SVIL: variants seen among roughly 807,000 people sequenced by gnomAD.
The protein encoded by SVIL is supervillin, also known as archvillin.
Under a neutral mutation model 240.4 loss-of-function variants are expected in SVIL, and 101 were observed. The ratio of observed to expected loss-of-function variants is 0.42; its 90% CI spans 0.36 to 0.50. The LOEUF (loss-of-function observed/expected upper bound fraction) is 0.50, where lower values mean the gene tolerates loss of function less well. Among genes scored for constraint, SVIL ranks in the 20% least tolerant of loss-of-function variants. The probability of loss-of-function intolerance (pLI) is 0.01; values close to 1 mark genes in which losing one functional copy is unlikely to be tolerated. For synonymous variants in SVIL, 999 were observed against 1,100.0 expected (o/e 0.91, Z 1.82); for missense variants, 2,512 against 2,818.7 (o/e 0.89, Z 2.46).
At chr10:29,632,632 A>T (rs758041613) in intron 1 of SVIL, among the ~76,000 whole-genome samples, 2 of 152,230 alleles carry the variant, frequency 1.3e-5, no homozygotes, top group Non-Finnish European at 2.9e-5. Flanking sequence ...AGAAGCAAAG[A>T]TAAAGAACTG....
chr10:29,696,951 G>T (rs1044542813), intron 1 of SVIL, among the ~76,000 whole-genome samples: 1 of 145,844 alleles, frequency 6.9e-6, no homozygotes, highest in African/African-American at 2.5e-5. Context: ...CAGACGCCCC[G>T]TCCGGGAGGG....
At chr10:29,632,045 C>T (rs981444357) in intron 1 of SVIL, among the ~76,000 whole-genome samples, 5 of 152,190 alleles carry the variant, frequency 3.3e-5, no homozygotes, top group Admixed American at 1.3e-4. Context: ...TCCAAGGCTG[C>T]CTTTGTACCC....
chr10:29,676,042 CT>C (rs1322815770), intron 2 of SVIL, among the ~76,000 whole-genome samples: 1 of 152,252 alleles, frequency 6.6e-6, no homozygotes, highest in African/African-American at 2.4e-5. Flanking sequence ...ATGATAACTA[CT>C]GACCCCCTGC....
intron 3 of SVIL, among the ~76,000 whole-genome samples, chr10:29,556,583 A>T (rs1171149472): frequency 1.3e-5 from 2 of 152,148 alleles, no homozygotes; most frequent in Non-Finnish European, 2.9e-5. Flanking sequence ...AGCCGGCTTC[A>T]AAAAAACAAA....
chr10:29,513,585 C>T (rs1322881074), intron 16 of SVIL, among the ~76,000 whole-genome samples: 1 of 152,126 alleles, frequency 6.6e-6, no homozygotes, highest in Admixed American at 6.5e-5. Flanking sequence ...CACTTACAGT[C>T]TCTTAATATC....
intron 6 of SVIL, among the ~76,000 whole-genome samples, chr10:29,549,803 A>T (rs2132641115): frequency 7.3e-6 from 1 of 137,028 alleles, no homozygotes; most frequent in South Asian, 2.4e-4. Flanking sequence ...ATTCTCACTC[A>T]TAGGTGGGAA....
intron 18 of SVIL, chr10:29,496,431 G>A: frequency 2.2e-6 from 1 of 455,452 alleles, no homozygotes; most frequent in South Asian, 1.6e-5. Context: ...CATCAGAGGA[G>A]TTCATTAGCA....
At chr10:29,470,567 G>T in intron 31 of SVIL, 84 bp from the exon 32 acceptor site, 1 of 1,498,384 alleles carries the variant, frequency 6.7e-7, no homozygotes, top group Non-Finnish European at 9.1e-7. Flanking sequence ...CCGCTGTGTC[G>T]TCCAAGGCAG....
chr10:29,504,216 T>G (rs967213806), intron 17 of SVIL, among the ~76,000 whole-genome samples: 1 of 152,190 alleles, frequency 6.6e-6, no homozygotes. Context: ...AAAGCCTAAC[T>G]GTAAAAATTA....
At chr10:29,577,774 CCAA>C (rs1354087105) in intron 1 of SVIL, among the ~76,000 whole-genome samples, 1 of 152,024 alleles carries the variant, frequency 6.6e-6, no homozygotes, top group Non-Finnish European at 1.5e-5. Context: ...TTTCTTTACA[CCAA>C]CAACAAACTA....
chr10:29,689,255 G>C (rs1490452257), intron 1 of SVIL, among the ~76,000 whole-genome samples: 1 of 151,940 alleles, frequency 6.6e-6, no homozygotes, highest in African/African-American at 2.4e-5. Flanking sequence ...GCTAGAACTG[G>C]TATCTCCCCG....
In SVIL at chr10:29,496,254, G is replaced by T. The variant is rs556534735; in HGVS notation, c.3665-1073C>A. 133 of 357,496 alleles carry T rather than the reference G, an allele frequency of 3.7e-4. 1 individual carries two copies. Among genetic ancestry groups the T allele is most frequent in the African/African-American group, 2.7e-3 (126 of 46,996 alleles). 22.1% of individuals were successfully genotyped at this position (357,496 alleles called of 1,614,324 possible). A position where few individuals can be genotyped will look rare whatever the true frequency, so the allele number is the denominator to read the frequency against. On this transcript the variant is annotated intron_variant, in intron 18 of 37. Coordinates refer to ENST00000355867, the MANE Select transcript of SVIL (RefSeq NM_021738.3). The stretch of plus-strand genomic sequence containing the variant: ...TACGTCTCATTATATACATATATTT[G>T]ATTGATGGTGTCAATAAAAGTTTTA...
intron 22 of SVIL, among the ~76,000 whole-genome samples, chr10:29,489,443 T>A (rs1303562753): frequency 6.6e-6 from 1 of 152,242 alleles, no homozygotes; most frequent in African/African-American, 2.4e-5. Flanking sequence ...TTTAAAAATG[T>A]ATATGCTAGA....
intron 1 of SVIL, among the ~76,000 whole-genome samples, chr10:29,606,696 G>A (rs182115204): frequency 9.2e-5 from 14 of 152,046 alleles, no homozygotes; most frequent in East Asian, 1.9e-4. Context: ...GTATTTTTAC[G>A]GTTGGTTTTT....
At chr10:29,674,124 A>G (rs1444920513) in intron 2 of SVIL, among the ~76,000 whole-genome samples, 1 of 152,112 alleles carries the variant, frequency 6.6e-6, no homozygotes, top group Non-Finnish European at 1.5e-5. Flanking sequence ...TGAGCCCAGG[A>G]GTTTGAGACC....
chr10:29,583,472 G>A (rs1178002811), intron 1 of SVIL, among the ~76,000 whole-genome samples: 10 of 152,076 alleles, frequency 6.6e-5, no homozygotes, highest in Non-Finnish European at 1.3e-4. Context: ...GCTAACTTTT[G>A]TATTTGTTGT....
intron 17 of SVIL, 25 bp downstream of exon 17, chr10:29,512,710 C>T: frequency 6.2e-7 from 1 of 1,614,120 alleles, no homozygotes; most frequent in Non-Finnish European, 8.5e-7. Context: ...AGTCGGAAGG[C>T]TTTTCCTAAC....
In SVIL at chr10:29,480,700, C is replaced by T. The variant is rs1360522467; in HGVS notation, c.5214G>A (p.Leu1738=). 6.2e-7 allele frequency: 1 copy of T among 1,614,176 alleles called. No individual in the cohort carries two copies. ...ACTGCCTCCTGTCGTGTCCTTCCAC[C>T]AGGCCATAGCCACGGCCGACGTTCA... ...DGVNVGRGYG[L]VEGHDRRQFE... is the part of the protein sequence containing the mutation. Residue 1738 remains leucine (L), a synonymous_variant, in exon 29 of 38, where the codon CTG becomes CTA. Transcript: ENST00000355867.
intron 17 of SVIL, among the ~76,000 whole-genome samples, chr10:29,505,573 C>T (rs1309600265): frequency 6.6e-6 from 1 of 151,974 alleles, no homozygotes; most frequent in Non-Finnish European, 1.5e-5. Context: ...GGCAGGGAAA[C>T]GATTCTGTAT....
Sources: gnomAD v4.1 joint callset for allele counts (sites outside exome capture counted in the v4.1 genomes callset) on GRCh38, gnomAD v4.1.1 for gene constraint, MANE v1.5 for transcripts, NCBI Gene and HGNC (gene_info 2026-07-23, HGNC 2026-07-21) for gene names.